The following VSTM5 variants were observed in gnomAD, a reference collection of about 807,000 sequenced individuals.
The protein encoded by VSTM5 is V-set and transmembrane domain-containing protein 5.
VSTM5 carries 21 observed loss-of-function variants against 20.3 expected under a neutral mutation model. The ratio of observed to expected loss-of-function variants is 1.03; its 90% CI spans 0.73 to 1.49. VSTM5 has a LOEUF of 1.49. VSTM5 is among the 40% of genes most tolerant of loss of function. The probability of loss-of-function intolerance (pLI) is 0.00; values close to 1 mark genes in which losing one functional copy is unlikely to be tolerated. For synonymous variants in VSTM5, 100 were observed against 102.5 expected (o/e 0.98, Z 0.14); for missense variants, 219 against 250.0 (o/e 0.88, Z 0.84).
At chr11:93,833,586 T>C (rs35646601) in intron 1 of VSTM5, among the ~76,000 whole-genome samples, 6,278 of 152,196 alleles carry the variant, frequency 0.041, 408 homozygotes, top group African/African-American at 0.14. Context: ...TAGTATTACA[T>C]ATGTGGCTTG....
intron 1 of VSTM5, among the ~76,000 whole-genome samples, chr11:93,835,214 C>G (rs571716028): frequency 6.6e-6 from 1 of 152,004 alleles, no homozygotes; most frequent in Non-Finnish European, 1.5e-5. Flanking sequence ...TGCTTGAGGC[C>G]AGGAGTTCGA....
In VSTM5 at chr11:93,821,304, G is replaced by A. The variant is rs575672726; in HGVS notation, c.111C>T (p.Tyr37=). 76 of 1,551,540 alleles carry A rather than the reference G, an allele frequency of 4.9e-5. 1 individual carries two copies. The South Asian group carries it at 8.0e-4, about 16-fold the overall frequency. ...RCLQSQGVSL[Y]IPQATINATV... The stretch of plus-strand genomic sequence containing the variant: ...TGGCATTGATGGTGGCCTGAGGAAT[G>A]TATAGGGACACACCCTGACCTGCAG... Residue 37 remains tyrosine (Y), a synonymous_variant, in exon 2 of 4, where the codon TAC becomes TAT. Coordinates refer to ENST00000409977, the MANE Select transcript of VSTM5 (RefSeq NM_001144871.2).
At chr11:93,849,552 A>G (rs1253377210) in intron 1 of VSTM5, among the ~76,000 whole-genome samples, 1 of 152,234 alleles carries the variant, frequency 6.6e-6, no homozygotes, top group Non-Finnish European at 1.5e-5. Context: ...GAGGTCTTGT[A>G]AAGTCTGAGG....
Position 93,820,590 on chromosome 11 carries a change from C to T in VSTM5, c.582G>A (p.Glu194=), listed in dbSNP as rs1944172341. The change falls in exon 4 of 4, where the codon GAG becomes GAA. Residue 194 remains glutamate (E), a synonymous_variant. Transcript: ENST00000409977. The stretch of plus-strand genomic sequence containing the variant: ...TTGGCTAACACTCAACATCTTCCAG[C>T]TCAATCTCCTCAGTTGTGCTTTCTG... ...KLKESTTEEI[E]LEDVEC The T allele has an allele frequency of 1.9e-6, 3 of 1,551,926 alleles. No homozygotes were observed. The highest frequency in any genetic ancestry group is 2.6e-6 in the Non-Finnish European group (3 of 1,147,040).
At chr11:93,835,434 A>T (rs182711858) in intron 1 of VSTM5, among the ~76,000 whole-genome samples, 6,595 of 152,180 alleles carry the variant, frequency 0.043, 425 homozygotes, top group African/African-American at 0.15. Flanking sequence ...AAAAAAATTT[A>T]AAAAAATTAA....
At chr11:93,834,919 A>G (rs947151303) in intron 1 of VSTM5, among the ~76,000 whole-genome samples, 36 of 152,302 alleles carry the variant, frequency 2.4e-4, no homozygotes, top group Admixed American at 5.9e-4. Context: ...GAACGAACCC[A>G]TTCATGGATT....
intron 1 of VSTM5, among the ~76,000 whole-genome samples, chr11:93,823,102 C>T (rs147539756): frequency 1.8e-4 from 27 of 152,222 alleles, no homozygotes; most frequent in African/African-American, 6.3e-4. Context: ...ATAAAAATAA[C>T]AACTCCAAGT....
chr11:93,821,467 G>A (rs1185706287), intron 1 of VSTM5, 144 bp from the exon 2 acceptor site: 5 of 779,670 alleles, frequency 6.4e-6, no homozygotes, highest in African/African-American at 1.8e-5. Flanking sequence ...GTGCTTAAGC[G>A]ATAATGCTGA....
intron 1 of VSTM5, among the ~76,000 whole-genome samples, chr11:93,830,498 A>AC (rs1555037405): frequency 6.6e-6 from 1 of 152,116 alleles, no homozygotes; most frequent in Non-Finnish European, 1.5e-5. Flanking sequence ...TCATCTCAGA[A>AC]CCCCCAGTGC....
In VSTM5 at chr11:93,844,208, C is replaced by T. The variant is rs1329897055; in HGVS notation, c.91+6204G>A. On this transcript the variant is annotated intron_variant, in intron 1 of 3. Coordinates refer to ENST00000409977, the MANE Select transcript of VSTM5 (RefSeq NM_001144871.2). ...TTCAAGAACCTCTGAAATCCCATCC[C>T]GAAGTGCGTGGAAGCCTTGGTGGAT... is the stretch of plus-strand genomic sequence containing the variant. 2.0e-5 allele frequency among the ~76,000 whole-genome samples: 3 copies of T among 152,192 alleles called. No individual in the cohort carries two copies. In the East Asian group the frequency reaches 5.8e-4, roughly 29 times the overall value.
chr11:93,821,666 A>T, intron 1 of VSTM5: 1 of 270,944 alleles, frequency 3.7e-6, no homozygotes, highest in Non-Finnish European at 7.0e-6. Context: ...TCTTCTCATG[A>T]CTCTCTGGAT....
chr11:93,834,612 G>A (rs1187211322), intron 1 of VSTM5, among the ~76,000 whole-genome samples: 2 of 150,582 alleles, frequency 1.3e-5, no homozygotes, highest in Non-Finnish European at 3.0e-5. Context: ...GTAAAGTCCG[G>A]GTCTACAAAA....
At chr11:93,835,799 G>T (rs1420955650) in intron 1 of VSTM5, among the ~76,000 whole-genome samples, 1 of 152,194 alleles carries the variant, frequency 6.6e-6, no homozygotes, top group African/African-American at 2.4e-5. Flanking sequence ...TATCTGGAAA[G>T]ATACAGAACT....
At chr11:93,846,913 C>T (rs1229393900) in intron 1 of VSTM5, among the ~76,000 whole-genome samples, 1 of 151,780 alleles carries the variant, frequency 6.6e-6, no homozygotes, top group African/African-American at 2.4e-5. Context: ...ACTACAGGCG[C>T]CTGCCACCAC....
chr11:93,837,837 C>T (rs1401238806), intron 1 of VSTM5, among the ~76,000 whole-genome samples: 1 of 151,964 alleles, frequency 6.6e-6, no homozygotes, highest in Non-Finnish European at 1.5e-5. Flanking sequence ...GCAAACACAC[C>T]CATAAAAAAA....
intron 1 of VSTM5, 71 bp downstream of exon 1, chr11:93,850,341 C>A: frequency 1.4e-6 from 2 of 1,388,618 alleles, no homozygotes; most frequent in Non-Finnish European, 2.0e-6. Flanking sequence ...GCTGCTAGAC[C>A]CCGGGGCCCC....
chr11:93,838,581 C>G (rs1733803789), intron 1 of VSTM5, among the ~76,000 whole-genome samples: 1 of 150,784 alleles, frequency 6.6e-6, no homozygotes, highest in Non-Finnish European at 1.5e-5. Flanking sequence ...CACTTGAGCC[C>G]AGGAGTTCAA....
chr11:93,838,069 T>C (rs1279875960), intron 1 of VSTM5, among the ~76,000 whole-genome samples: 1 of 152,034 alleles, frequency 6.6e-6, no homozygotes, highest in African/African-American at 2.4e-5. Flanking sequence ...GCACATACAG[T>C]GGAGCCGAAA....
chr11:93,849,352 T>A (rs900610814), intron 1 of VSTM5, among the ~76,000 whole-genome samples: 3 of 152,184 alleles, frequency 2.0e-5, no homozygotes, highest in Non-Finnish European at 2.9e-5. Context: ...TACAGACAGT[T>A]TGCCATGTTG....
Sources: allele counts gnomAD v4.1 joint callset (sites outside exome capture counted in the v4.1 genomes callset), GRCh38; gene constraint gnomAD v4.1.1; transcripts MANE v1.5; gene names NCBI Gene and HGNC (gene_info 2026-07-23, HGNC 2026-07-21).